The following FMN2 variants were observed in gnomAD, a reference collection of about 807,000 sequenced individuals.
FMN2 encodes formin 2, also known as formin-2.
FMN2 carries 51 observed loss-of-function variants against 142.3 expected under a neutral mutation model. The ratio of observed to expected loss-of-function variants is 0.36; its 90% confidence interval spans 0.29 to 0.45. The LOEUF is 0.45. Ranked by LOEUF, FMN2 falls within the 20% of genes least tolerant of loss-of-function variation. The pLI is 1.00. For missense variants in FMN2, 1,936 were observed against 2,122.8 expected, an observed-to-expected ratio of 0.91 and a Z score of 1.73; for synonymous variants, 882 against 869.8, an observed-to-expected ratio of 1.01 and a Z score of -0.25.
intron 6 of FMN2, among the ~76,000 whole-genome samples, chr1:240,239,605 G>C (rs1273285748): frequency 2.6e-5 from 4 of 152,202 alleles, no homozygotes; most frequent in Non-Finnish European, 5.9e-5. Context: ...ATAGGATAGG[G>C]TCAAATCCAG....
chr1:240,121,150 C>CAA (rs112892593), intron 1 of FMN2, among the ~76,000 whole-genome samples: 3,758 of 141,526 alleles, frequency 0.027, 71 homozygotes, highest in Admixed American at 0.052. Context: ...AAGTCTATCT[C>CAA]AAAAAAAAAA....
At position 240,092,658 on chromosome 1, in the gene FMN2, C is replaced by G. The variant is rs1197654361; in HGVS notation, c.549C>G (p.Ile183Met). ...QRTSSGSDTD[I>M]YSFHSATEQE... ...CCAGCTCGGGCTCGGACACGGACAT[C>G]TATAGCTTCCATTCGGCTACGGAGC... Residue 183 changes from isoleucine (I) to methionine (M), a missense_variant, in exon 1 of 18, where the codon ATC becomes ATG. Physicochemically the swap from Ile to Met is conservative, Grantham distance 10. Transcript: ENST00000319653. 6.2e-7 allele frequency: 1 copy of G among 1,614,112 alleles called. No homozygotes were observed. Among genetic ancestry groups the G allele is most frequent in the Non-Finnish European group, 8.5e-7 (1 of 1,180,014 alleles).
At chr1:240,434,527 T>C (rs1037485869) in intron 15 of FMN2, among the ~76,000 whole-genome samples, 1 of 36,764 alleles carries the variant, frequency 2.7e-5, no homozygotes, top group Non-Finnish European at 1.0e-4. Flanking sequence ...TATTTGCTTG[T>C]TTTTTTTTGT....
rs113772215 is a variant in FMN2 at position 240,254,528 on chromosome 1, T to C, written c.4066-3417T>C. ...ACGTGTGGGTGCTGGCTGTGGTAAGTAGGATAGGGGTGGACCCCAGGTCCC... is the reference window on the plus strand; with the variant it reads ...ACGTGTGGGTGCTGGCTGTGGTAAGCAGGATAGGGGTGGACCCCAGGTCCC... On this transcript the variant is annotated intron_variant, in intron 6 of 17. Coordinates refer to ENST00000319653, the MANE Select transcript of FMN2 (RefSeq NM_020066.5). Among the ~76,000 whole-genome samples, 1,336 of 152,098 alleles carry C rather than the reference T, an allele frequency of 8.8e-3. 24 individuals carry two copies. Among genetic ancestry groups the C allele is most frequent in the African/African-American group, 0.03 (1,252 of 41,496 alleles).
Position 240,474,715 on chromosome 1 carries a change from A to AT in FMN2, c.*569dup, listed in dbSNP as rs139197792. The AT allele has an allele frequency of 0.28, 42,596 of 152,166 alleles. 6,878 individuals are homozygous for AT. Among genetic ancestry groups the AT allele is most frequent in the East Asian group, 0.49 (2,495 of 5,142 alleles). The allele number at this position is 152,166 out of a possible 1,614,324, so 9.4% of individuals were successfully genotyped here. A position where few individuals can be genotyped will look rare whatever the true frequency, so the allele number is the denominator to read the frequency against. On this transcript the variant is annotated 3_prime_UTR_variant, in exon 18 of 18. Transcript: ENST00000319653. ...TATGTATTTGTGAAAGAAAATGGTCATTTTTTTTACTGAAGTCATATAATG... is the reference window on the plus strand; with the variant it reads ...TATGTATTTGTGAAAGAAAATGGTCATTTTTTTTTACTGAAGTCATATAATG...
At chr1:240,226,419 A>G (rs183987119) in intron 6 of FMN2, among the ~76,000 whole-genome samples, 27 of 152,348 alleles carry the variant, frequency 1.8e-4, no homozygotes, top group Middle Eastern at 3.4e-3. Context: ...TCAACCAGTC[A>G]TCTTACATCC....
At chr1:240,385,060 G>A (rs1673364821) in intron 14 of FMN2, among the ~76,000 whole-genome samples, 1 of 152,180 alleles carries the variant, frequency 6.6e-6, no homozygotes, top group South Asian at 2.1e-4. Context: ...ATATTGTAAT[G>A]TTAAATTATG....
intron 13 of FMN2, among the ~76,000 whole-genome samples, chr1:240,355,366 A>G (rs1049086856): frequency 6.6e-6 from 1 of 152,194 alleles, no homozygotes; most frequent in Admixed American, 6.5e-5. Context: ...AACTTTTATT[A>G]TAAGTCAGTT....
chr1:240,375,196 A>G (rs1234515836), intron 14 of FMN2, among the ~76,000 whole-genome samples: 1 of 152,116 alleles, frequency 6.6e-6, no homozygotes, highest in Non-Finnish European at 1.5e-5. Context: ...AAATACATCA[A>G]AGATCACTGA....
intron 15 of FMN2, among the ~76,000 whole-genome samples, chr1:240,427,447 T>C (rs186531756): frequency 2.7e-4 from 41 of 151,898 alleles, no homozygotes; most frequent in African/African-American, 7.0e-4. Flanking sequence ...CCTTGTGATC[T>C]GCCCGCCTCG....
rs1416507669 is a variant in FMN2 at position 240,093,145 on chromosome 1, G to A, written c.1036G>A (p.Asp346Asn). 1.1e-5 allele frequency: 15 copies of A among 1,426,500 alleles called. No homozygotes were observed. In the East Asian group the frequency reaches 2.4e-4, roughly 23 times the overall value. The allele number at this position is 1,426,500 out of a possible 1,614,324, so 88.4% of individuals were successfully genotyped here. ...GAPVRGAGDT[D>N]EEGEEDAFED... is the part of the protein sequence containing the mutation. ...CCCCGTGCGAGGGGCTGGGGACACG[G>A]ATGAGGAGGGTGAGGAGGATGCTTT... Residue 346 changes from aspartate (D) to asparagine (N), a missense_variant, in exon 1 of 18, where the codon GAT (aspartate) becomes AAT (asparagine). Physicochemically the swap from Asp to Asn is conservative, Grantham distance 23. Transcript: ENST00000319653.
chr1:240,155,012 T>A (rs1469446651), intron 2 of FMN2, among the ~76,000 whole-genome samples: 1 of 151,158 alleles, frequency 6.6e-6, no homozygotes, highest in African/African-American at 2.4e-5. Flanking sequence ...GACCTTGACC[T>A]CCTGAGTAGC....
chr1:240,451,648 G>A (rs1676049438), intron 16 of FMN2, among the ~76,000 whole-genome samples: 1 of 152,018 alleles, frequency 6.6e-6, no homozygotes, highest in South Asian at 2.1e-4. Context: ...GATGACCTCT[G>A]TCTCCACTAA....
At chr1:240,219,650 A>ATTTTTTTTT (rs1558374533) in intron 6 of FMN2, among the ~76,000 whole-genome samples, 2 of 151,978 alleles carry the variant, frequency 1.3e-5, no homozygotes, top group African/African-American at 4.8e-5. Context: ...AGGTTTTAAA[A>ATTTTTTTTT]TTTTTTGTAT....
At chr1:240,439,279 A>AAAAG (rs1553265377) in intron 16 of FMN2, among the ~76,000 whole-genome samples, 31 of 124,734 alleles carry the variant, frequency 2.5e-4, no homozygotes, top group African/African-American at 7.5e-4. Flanking sequence ...TCAAAAAAAA[A>AAAAG]AAAGAAAGAA....
intron 8 of FMN2, among the ~76,000 whole-genome samples, chr1:240,314,586 T>C (rs1311139671): frequency 6.6e-6 from 1 of 151,240 alleles, no homozygotes; most frequent in Non-Finnish European, 1.5e-5. Flanking sequence ...AAATCCTTAA[T>C]AAATGTAAAA....
intron 2 of FMN2, among the ~76,000 whole-genome samples, chr1:240,161,230 C>T (rs10926149): frequency 0.32 from 49,026 of 151,802 alleles, 8,755 homozygotes; most frequent in African/African-American, 0.49. Context: ...ACAAACTACC[C>T]CTAAACTTTA....
intron 7 of FMN2, among the ~76,000 whole-genome samples, chr1:240,258,983 A>G (rs2102899331): frequency 6.6e-6 from 1 of 152,370 alleles, no homozygotes; most frequent in Non-Finnish European, 1.5e-5. Context: ...GTTGGGCTTA[A>G]AATCTTGTGT....
intron 7 of FMN2, among the ~76,000 whole-genome samples, chr1:240,291,347 A>G (rs1669787768): frequency 6.6e-6 from 1 of 151,824 alleles, no homozygotes; most frequent in South Asian, 2.1e-4. Flanking sequence ...GAAAGTGATT[A>G]AAACTGCATT....
Sources: gnomAD v4.1 joint callset for allele counts (sites outside exome capture counted in the v4.1 genomes callset) on GRCh38, gnomAD v4.1.1 for gene constraint, MANE v1.5 for transcripts, NCBI Gene and HGNC (gene_info 2026-07-23, HGNC 2026-07-21) for gene names.